The following HSPA9 variants were observed in gnomAD, a reference collection of about 807,000 sequenced individuals.
The protein encoded by HSPA9 is heat shock protein family A (Hsp70) member 9, also known as stress-70 protein, mitochondrial.
HSPA9 carries 28 observed loss-of-function variants against 81.5 expected under a neutral mutation model. The observed-to-expected ratio is 0.34, with a 90% confidence interval of 0.25 to 0.47. The LOEUF (loss-of-function observed/expected upper bound fraction) is 0.47, where lower values mean the gene tolerates loss of function less well. Ranked by LOEUF, HSPA9 falls within the 20% of genes least tolerant of loss-of-function variation. The probability of loss-of-function intolerance (pLI) is 1.00; values close to 1 mark genes in which losing one functional copy is unlikely to be tolerated. For synonymous variants in HSPA9, 293 were observed against 290.4 expected, an observed-to-expected ratio of 1.01 and a Z score of -0.09; for missense variants, 678 against 838.0, an observed-to-expected ratio of 0.81 and a Z score of 2.36.
At chr5:138,570,765 G>A (rs1041624880) in intron 4 of HSPA9, 195 bp downstream of exon 4, 91 of 575,144 alleles carry the variant, frequency 1.6e-4, no homozygotes, top group Admixed American at 4.6e-4. Context: ...GATTACAGGT[G>A]TGAGCCACTG....
At chr5:138,568,523 A>C (rs1418043875) in intron 5 of HSPA9, among the ~76,000 whole-genome samples, 1 of 152,130 alleles carries the variant, frequency 6.6e-6, no homozygotes. Flanking sequence ...ACAACAACAA[A>C]AAAACCCCAA....
In HSPA9 at chr5:138,554,605, A is replaced by G. The variant is rs1750480986; in HGVS notation, c.*1432T>C. On this transcript the variant is annotated 3_prime_UTR_variant, in exon 17 of 17. Transcript: ENST00000297185. Reference sequence around the variant, plus strand: ...TTGATTTCTTATACTGATTTTTGGAAATACAGTAATCTCATTTCTACATAT... The same window carrying G: ...TTGATTTCTTATACTGATTTTTGGAGATACAGTAATCTCATTTCTACATAT... Among the ~76,000 whole-genome samples, 1 of 152,256 alleles carries G rather than the reference A, an allele frequency of 6.6e-6. No homozygotes were observed. Among genetic ancestry groups the G allele is most frequent in the Admixed American group, 6.5e-5 (1 of 15,292 alleles).
At position 138,570,967 on chromosome 5, in the gene HSPA9, T is replaced by G; in HGVS notation, c.403A>C (p.Lys135Gln). ...ACTTTTGCTGTTACTCACATGTCTT[T>G]CTGTACTTCAGGATCATCATATCGC... ...GRRYDDPEVQ[K>Q]DIKNVPFKIV... The change falls in exon 4 of 17, where the codon AAA becomes CAA. Residue 135 changes from lysine (K) to glutamine (Q), a missense_variant. By Grantham distance (53) the Lys-to-Gln change is moderately conservative. Transcript: ENST00000297185. 1.2e-6 allele frequency: 2 copies of G among 1,614,170 alleles called. No homozygotes were observed.
At chr5:138,556,743 A>G (rs1285530583) in intron 15 of HSPA9, 31 bp downstream of exon 15, 1 of 1,582,750 alleles carries the variant, frequency 6.3e-7, no homozygotes. Context: ...AATGTGTTCA[A>G]CCTCTTGAGT....
intron 9 of HSPA9, among the ~76,000 whole-genome samples, chr5:138,564,645 T>C (rs1025167533): frequency 1.3e-5 from 2 of 152,166 alleles, no homozygotes; most frequent in Non-Finnish European, 2.9e-5. Flanking sequence ...TCAAGTGATA[T>C]TCCTGCCCTG....
At chr5:138,563,038 A>G (rs978517477) in intron 9 of HSPA9, among the ~76,000 whole-genome samples, 2 of 152,248 alleles carry the variant, frequency 1.3e-5, no homozygotes, top group Non-Finnish European at 2.9e-5. Flanking sequence ...CAGGAGAAGT[A>G]TCCTAAACAT....
Position 138,570,572 on chromosome 5 carries a change from G to A in HSPA9, c.410+388C>T, listed in dbSNP as rs953085415. 8.5e-5 allele frequency among the ~76,000 whole-genome samples: 13 copies of A among 152,080 alleles called. No individual in the cohort carries two copies. The South Asian group carries it at 1.0e-3, about 12-fold the overall frequency. On this transcript the variant is annotated intron_variant, in intron 4 of 16. Transcript: ENST00000297185. ...GTGATCTCGGCTCACCGCAACCACC[G>A]TCTCCCGGGTTCAAGTGATTCTCCC...
intron 14 of HSPA9, chr5:138,557,146 T>C (rs1750546276): frequency 1.7e-6 from 1 of 601,528 alleles, no homozygotes; most frequent in Non-Finnish European, 3.0e-6. Flanking sequence ...TTATCTTAGG[T>C]TTTCTCTTAC....
chr5:138,557,107 G>C (rs377162026), intron 14 of HSPA9: 54 of 606,020 alleles, frequency 8.9e-5, no homozygotes, highest in South Asian at 4.3e-4. Flanking sequence ...GCAAACATAA[G>C]GTATAAACAA....
intron 1 of HSPA9, 93 bp from the exon 2 acceptor site, chr5:138,574,219 T>A: frequency 1.2e-6 from 1 of 826,974 alleles, no homozygotes; most frequent in Non-Finnish European, 2.1e-6. Flanking sequence ...TAAAATACAT[T>A]AAGCTACTAA....
intron 9 of HSPA9, among the ~76,000 whole-genome samples, chr5:138,565,616 G>A (rs1750745324): frequency 6.6e-6 from 1 of 152,158 alleles, no homozygotes; most frequent in Non-Finnish European, 1.5e-5. Context: ...TCACCTCTCA[G>A]AACTGGAGCT....
intron 13 of HSPA9, 69 bp from the exon 14 acceptor site, chr5:138,557,565 T>C: frequency 1.1e-6 from 1 of 917,112 alleles, no homozygotes; most frequent in Non-Finnish European, 1.8e-6. Context: ...CTCCATTGCA[T>C]TAAGAGTACT....
At chr5:138,570,499 T>G (rs571072866) in intron 4 of HSPA9, among the ~76,000 whole-genome samples, 2 of 152,328 alleles carry the variant, frequency 1.3e-5, no homozygotes, top group African/African-American at 4.8e-5. Flanking sequence ...AATGAATTTT[T>G]TTCTTTTGAG....
chr5:138,559,019 T>C, intron 11 of HSPA9: 2 of 260,948 alleles, frequency 7.7e-6, no homozygotes, highest in Non-Finnish European at 1.5e-5. Context: ...GAGTGATGTG[T>C]TGACAAATAC....
intron 8 of HSPA9, 61 bp from the exon 9 acceptor site, chr5:138,566,779 A>G: frequency 7.5e-7 from 1 of 1,327,732 alleles, no homozygotes; most frequent in Non-Finnish European, 1.1e-6. Flanking sequence ...AATAAACTGC[A>G]GTAATAAGGT....
At chr5:138,564,731 T>C (rs1182047376) in intron 9 of HSPA9, among the ~76,000 whole-genome samples, 2 of 151,854 alleles carry the variant, frequency 1.3e-5, no homozygotes, top group Non-Finnish European at 2.9e-5. Flanking sequence ...AACTTACATT[T>C]AGAGTATTCA....
Position 138,567,200 on chromosome 5 carries a change from C to T in HSPA9, c.717-37G>A, listed in dbSNP as rs762594085. On this transcript the variant is annotated intron_variant, in intron 7 of 16. Coordinates refer to ENST00000297185, the MANE Select transcript of HSPA9 (RefSeq NM_004134.7). ...TTGTGAAAAAAAAAAGAAAAGAAAT[C>T]CTTAAGAACAAAACCTATCACCAGG... 1.8e-5 allele frequency: 27 copies of T among 1,537,672 alleles called. No homozygotes were observed. In the South Asian group the frequency reaches 2.9e-4, roughly 16 times the overall value.
chr5:138,559,723 CCA>C, intron 11 of HSPA9, 139 bp downstream of exon 11: 1 of 690,202 alleles, frequency 1.4e-6, no homozygotes, highest in Admixed American at 2.4e-5. Context: ...TTCTCACCAC[CCA>C]CAGTTAACTG....
chr5:138,572,804 C>T (rs1408040374), intron 3 of HSPA9, among the ~76,000 whole-genome samples: 6 of 152,094 alleles, frequency 3.9e-5, no homozygotes, highest in African/African-American at 1.4e-4. Context: ...CTGTGGCCAA[C>T]CCCCCAAAAA....
Sources: gnomAD v4.1 joint callset for allele counts (sites outside exome capture counted in the v4.1 genomes callset) on GRCh38, gnomAD v4.1.1 for gene constraint, MANE v1.5 for transcripts, NCBI Gene and HGNC (gene_info 2026-07-23, HGNC 2026-07-21) for gene names.